The following PDE7B variants were observed in gnomAD, a reference collection of about 807,000 sequenced individuals.
PDE7B encodes 3',5'-cyclic-AMP phosphodiesterase 7B.
PDE7B carries 29 observed loss-of-function variants against 56.2 expected under a neutral mutation model. That is an observed-to-expected ratio of 0.52 (90% CI 0.38 to 0.70). The LOEUF (loss-of-function observed/expected upper bound fraction) is 0.70. Among genes scored for constraint, PDE7B ranks in the 30% least tolerant of loss-of-function variants. The probability of loss-of-function intolerance (pLI) is 0.00; values close to 1 mark genes in which losing one functional copy is unlikely to be tolerated. For synonymous variants in PDE7B, 197 were observed against 196.9 expected (o/e 1.00, Z 0.00); for missense variants, 490 against 565.0 (o/e 0.87, Z 1.35).
At chr6:136,076,430 G>T (rs182985485) in intron 2 of PDE7B, among the ~76,000 whole-genome samples, 1 of 152,202 alleles carries the variant, frequency 6.6e-6, no homozygotes, top group East Asian at 1.9e-4. Flanking sequence ...CCAAGATTGC[G>T]CCATTACACT....
intron 3 of PDE7B, among the ~76,000 whole-genome samples, chr6:136,120,994 G>C (rs1392880607): frequency 6.6e-6 from 1 of 152,122 alleles, no homozygotes; most frequent in African/African-American, 2.4e-5. Flanking sequence ...ATAACCTTGT[G>C]TCTGACTCCC....
At chr6:135,981,451 A>AT (rs1277767289) in intron 2 of PDE7B, among the ~76,000 whole-genome samples, 31 of 151,824 alleles carry the variant, frequency 2.0e-4, no homozygotes, top group African/African-American at 7.0e-4. Flanking sequence ...AATAATAATA[A>AT]AAACAGACTA....
chr6:136,149,717 G>A (rs1396038844), intron 5 of PDE7B, among the ~76,000 whole-genome samples: 1 of 152,032 alleles, frequency 6.6e-6, no homozygotes, highest in Non-Finnish European at 1.5e-5. Context: ...CCTTCCTTAA[G>A]AAAATAATAA....
chr6:135,861,759 ATGT>A (rs1775151730), intron 1 of PDE7B, among the ~76,000 whole-genome samples: 4 of 151,826 alleles, frequency 2.6e-5, no homozygotes, highest in African/African-American at 9.6e-5. Context: ...CATAAACATA[ATGT>A]ATCCTTCTAT....
intron 2 of PDE7B, among the ~76,000 whole-genome samples, chr6:135,982,969 A>G (rs528669021): frequency 6.6e-6 from 1 of 152,266 alleles, no homozygotes; most frequent in Non-Finnish European, 1.5e-5. Context: ...TTTTGTCCTC[A>G]TCTAGTTTTC....
chr6:136,039,457 G>A (rs1291510265), intron 2 of PDE7B, among the ~76,000 whole-genome samples: 3 of 152,214 alleles, frequency 2.0e-5, no homozygotes, highest in Non-Finnish European at 2.9e-5. Flanking sequence ...GAGGGATGGG[G>A]TAGATGGAAA....
At chr6:136,176,086 T>C (rs528666388) in intron 9 of PDE7B, among the ~76,000 whole-genome samples, 1 of 152,212 alleles carries the variant, frequency 6.6e-6, no homozygotes, top group South Asian at 2.1e-4. Flanking sequence ...ATCATTGCTA[T>C]TTCTTTAGAG....
chr6:135,944,019 T>C (rs1245102098), intron 1 of PDE7B, among the ~76,000 whole-genome samples: 2 of 151,926 alleles, frequency 1.3e-5, no homozygotes, highest in African/African-American at 4.8e-5. Context: ...ACAAGGCAAG[T>C]TGGTCTCGAT....
intron 2 of PDE7B, among the ~76,000 whole-genome samples, chr6:136,038,884 TAG>T (rs1351210164): frequency 1.3e-5 from 2 of 152,178 alleles, no homozygotes; most frequent in African/African-American, 4.8e-5. Context: ...GTCAACAAGT[TAG>T]AGATATCCCT....
chr6:136,189,942 T>C (rs1779195624), intron 12 of PDE7B, among the ~76,000 whole-genome samples: 1 of 152,232 alleles, frequency 6.6e-6, no homozygotes. Flanking sequence ...TATCTGAAAG[T>C]ATAAATACAG....
Position 136,191,814 on chromosome 6 carries a change from G to A in PDE7B, c.1327G>A (p.Glu443Lys), listed in dbSNP as rs1212136141. The change falls in exon 13 of 13, where the codon GAG becomes AAG. Residue 443 changes from glutamate to lysine, a missense_variant. Coordinates refer to ENST00000308191, the MANE Select transcript of PDE7B (RefSeq NM_018945.4). ...HDHAGQGTES[E>K]EQEGDSP ...CCACGCAGGCCAAGGGACTGAGAGC[G>A]AGGAGCAGGAAGGCGACAGCCCCTA... 4 of 1,554,608 alleles carry A rather than the reference G, an allele frequency of 2.6e-6. No individual in the cohort carries two copies. The African/African-American group carries it at 4.1e-5, about 16-fold the overall frequency.
At chr6:135,890,494 A>G (rs564536057) in intron 1 of PDE7B, among the ~76,000 whole-genome samples, 1 of 152,326 alleles carries the variant, frequency 6.6e-6, no homozygotes, top group South Asian at 2.1e-4. Flanking sequence ...CATAAGGAAT[A>G]TGTGCACAGC....
chr6:136,094,731 G>A (rs146192039), intron 2 of PDE7B: 3 of 152,266 alleles, frequency 2.0e-5, no homozygotes, highest in South Asian at 2.1e-4. Flanking sequence ...GGGCAGGCAC[G>A]TTTTATCTGT....
intron 2 of PDE7B, among the ~76,000 whole-genome samples, chr6:136,097,571 TCCATACTGCAC>T (rs1230802284): frequency 6.6e-6 from 1 of 152,176 alleles, no homozygotes; most frequent in African/African-American, 2.4e-5. Context: ...CATTCCTTTC[TCCATACTGCAC>T]CCAAAGTTGT....
intron 1 of PDE7B, among the ~76,000 whole-genome samples, chr6:135,892,584 T>C (rs1229408055): frequency 1.3e-5 from 2 of 152,128 alleles, no homozygotes; most frequent in Non-Finnish European, 2.9e-5. Flanking sequence ...ACATACATAG[T>C]ATCGGGTAAT....
rs564314134 is a variant in PDE7B at position 136,181,210 on chromosome 6, G to A, written c.949-17G>A. 6.8e-5 allele frequency: 108 copies of A among 1,586,892 alleles called. No homozygotes were observed. The highest frequency in any genetic ancestry group is 1.7e-4 in the Middle Eastern group (1 of 6,028). Reference sequence around the variant, plus strand: ...GAACATCCTCTCACAATTTCTCCCCGCCCTGTCATTTCTCAGATCGCCTTG... The same window carrying A: ...GAACATCCTCTCACAATTTCTCCCCACCCTGTCATTTCTCAGATCGCCTTG... On this transcript the variant is annotated splice_polypyrimidine_tract_variant and intron_variant, in intron 10 of 12. Coordinates refer to ENST00000308191, the MANE Select transcript of PDE7B (RefSeq NM_018945.4).
chr6:136,178,974 C>T (rs1779021503), intron 9 of PDE7B, 23 bp from the exon 10 acceptor site: 15 of 1,613,212 alleles, frequency 9.3e-6, no homozygotes, highest in Non-Finnish European at 1.3e-5. Context: ...GTGTGTTTTT[C>T]TCTTTCATTC....
At chr6:135,948,330 A>C (rs2033118810) in intron 2 of PDE7B, among the ~76,000 whole-genome samples, 1 of 151,958 alleles carries the variant, frequency 6.6e-6, no homozygotes, top group African/African-American at 2.4e-5. Flanking sequence ...ATAATTTCTA[A>C]ATTTTATTTT....
At chr6:135,966,640 A>G (rs527948495) in intron 2 of PDE7B, among the ~76,000 whole-genome samples, 38 of 152,220 alleles carry the variant, frequency 2.5e-4, no homozygotes, top group African/African-American at 8.4e-4. Flanking sequence ...GGCCTCTCTG[A>G]TGCCCTTTTT....
Sources: allele counts gnomAD v4.1 joint callset (sites outside exome capture counted in the v4.1 genomes callset), GRCh38; gene constraint gnomAD v4.1.1; transcripts MANE v1.5; gene names NCBI Gene and HGNC (gene_info 2026-07-23, HGNC 2026-07-21).